Variants in SPNS2 observed in about 807,000 individuals in gnomAD.
SPNS2 encodes the protein SPNS lysolipid transporter 2, sphingosine-1-phosphate.
SPNS2 carries 37 observed loss-of-function variants against 57.6 expected under a neutral mutation model. That is an observed-to-expected ratio of 0.64 (90% CI 0.49 to 0.85). The LOEUF is 0.85. SPNS2 is among the 40% of genes least tolerant of loss of function. The pLI is 0.00. For missense variants in SPNS2, 831 were observed against 779.1 expected, an observed-to-expected ratio of 1.07 and a Z score of -0.79; for synonymous variants, 440 against 346.9, an observed-to-expected ratio of 1.27 and a Z score of -2.98.
intron 2 of SPNS2, among the ~76,000 whole-genome samples, chr17:4,517,866 T>C (rs984374752): frequency 2.0e-5 from 3 of 152,086 alleles, no homozygotes; most frequent in African/African-American, 7.2e-5. Flanking sequence ...AAGACTAATA[T>C]TCGAAAATAC....
chr17:4,533,421 G>A lies in SPNS2; in HGVS notation c.1267G>A (p.Val423Ile), dbSNP rs369087006. ...LIFVAAKSSI[V>I]GAYICIFVGE... Reference sequence around the variant, plus strand: ...CTTCGTGGCTGCCAAGAGCAGCATCGTAGGAGCCTATGTGAGTGCAGCGGG... The same window carrying A: ...CTTCGTGGCTGCCAAGAGCAGCATCATAGGAGCCTATGTGAGTGCAGCGGG... The change falls in exon 8 of 13, where the codon GTA (valine) becomes ATA (isoleucine). Residue 423 changes from valine (V) to isoleucine (I), a missense_variant. Physicochemically the swap from Val to Ile is conservative, Grantham distance 29. Coordinates refer to ENST00000329078, the MANE Select transcript of SPNS2 (RefSeq NM_001124758.3). The A allele has an allele frequency of 1.5e-4, 241 of 1,604,058 alleles. No individual in the cohort carries two copies. Among genetic ancestry groups the A allele is most frequent in the South Asian group, 2.0e-4 (18 of 90,308 alleles).
chr17:4,515,390 TG>T (rs1904958819), intron 2 of SPNS2, among the ~76,000 whole-genome samples: 1 of 152,188 alleles, frequency 6.6e-6, no homozygotes, highest in African/African-American at 2.4e-5. Context: ...AATAGGGACC[TG>T]GGCCTCTGCC....
At chr17:4,529,019 C>G (rs990748532) in intron 3 of SPNS2, among the ~76,000 whole-genome samples, 3 of 151,980 alleles carry the variant, frequency 2.0e-5, no homozygotes, top group Non-Finnish European at 2.9e-5. Context: ...TCACTGCAAC[C>G]TCCACCTCCC....
chr17:4,538,877 T>C lies in SPNS2; in HGVS notation c.*1429T>C. 1 of 781,100 alleles carries C rather than the reference T, an allele frequency of 1.3e-6. No individual in the cohort carries two copies. The highest frequency in any genetic ancestry group is 2.4e-6 in the Non-Finnish European group (1 of 418,236). The allele number at this position is 781,100 out of a possible 1,614,324, so 48.4% of individuals were successfully genotyped here. A position where few individuals can be genotyped will look rare whatever the true frequency, so the allele number is the denominator to read the frequency against. Reference sequence around the variant, plus strand: ...TCAGCGGGGCCCCAGCGATGTTTTCTTGTTGTACAAGAACCAGGTCCGAGT... The same window carrying C: ...TCAGCGGGGCCCCAGCGATGTTTTCCTGTTGTACAAGAACCAGGTCCGAGT... On this transcript the variant is annotated 3_prime_UTR_variant, in exon 13 of 13. Coordinates refer to ENST00000329078, the MANE Select transcript of SPNS2 (RefSeq NM_001124758.3).
rs1279451717 is a variant in SPNS2 at position 4,533,840 on chromosome 17, C to T, written c.1331C>T (p.Ala444Val). 7 of 1,612,280 alleles carry T rather than the reference C, an allele frequency of 4.3e-6. No individual in the cohort carries two copies. The highest frequency in any genetic ancestry group is 2.2e-5 in the East Asian group (1 of 44,844). The change falls in exon 9 of 13, where the codon GCA becomes GTA. Residue 444 changes from alanine (A) to valine (V), a missense_variant. Around this residue, in one of 2 missense-constraint regions of SPNS2, gnomAD observed 526 missense variants for 400.9 expected, o/e 1.31. Coordinates refer to ENST00000329078, the MANE Select transcript of SPNS2 (RefSeq NM_001124758.3). ...TLLFSNWAITADILMYVVIPT... is the reference protein window; with the variant it reads ...TLLFSNWAITVDILMYVVIPT... ...CTGTTTTCTAACTGGGCCATCACTG[C>T]AGACATCCTCATGGTGAGCCAGGCA... is the stretch of plus-strand genomic sequence containing the variant.
chr17:4,520,838 TGAAGA>T (rs998922456), intron 2 of SPNS2, among the ~76,000 whole-genome samples: 4 of 152,068 alleles, frequency 2.6e-5, no homozygotes, highest in Admixed American at 1.3e-4. Context: ...CTCTGTAAAA[TGAAGA>T]GAACAGAATC....
rs1904865988 is a variant in SPNS2, at chr17:4,512,653, CGCACGGGTATGTGTGTGCGCGCGT to C, written c.371-592_371-569del. On this transcript the variant is annotated intron_variant, in intron 1 of 12. Coordinates refer to ENST00000329078, the MANE Select transcript of SPNS2 (RefSeq NM_001124758.3). The surrounding 1 kb of genome is among the most constrained non-coding windows in gnomAD (Gnocchi z 5.2). ...GACAGTGTGTGTGTGTGCGTGCGCG[CGCACGGGTATGTGTGTGCGCGCGT>C]GGGTGTGTATGCATGTGTGCAGGTG... 3.3e-5 allele frequency among the ~76,000 whole-genome samples: 5 copies of C among 151,186 alleles called. No homozygotes were observed. Among genetic ancestry groups the C allele is most frequent in the South Asian group, 2.1e-4 (1 of 4,728 alleles).
chr17:4,535,735 G>A (rs1567597283), intron 9 of SPNS2, among the ~76,000 whole-genome samples: 2 of 152,116 alleles, frequency 1.3e-5, no homozygotes, highest in Non-Finnish European at 2.9e-5. Context: ...TGGGGGCACA[G>A]CAGGTTTGAG....
In SPNS2 at chr17:4,510,257, G is replaced by A. The variant is rs1442941692; in HGVS notation, c.371-2990G>A. Among the ~76,000 whole-genome samples, 3 of 152,232 alleles carry A rather than the reference G, an allele frequency of 2.0e-5. No homozygotes were observed. The highest frequency in any genetic ancestry group is 1.5e-5 in the Non-Finnish European group (1 of 68,040). ...GGTTCTCTCTGGTCTTCTTCCTGGA[G>A]CTTGGACTTGGACCCAAGACTGGGC... On this transcript the variant is annotated intron_variant, in intron 1 of 12. Transcript: ENST00000329078. This position sits in a 1 kb window ranked among gnomAD's most constrained non-coding sequence, Gnocchi z 4.4.
rs1906042562 is a variant in SPNS2 at position 4,538,874 on chromosome 17, T to C, written c.*1426T>C. On this transcript the variant is annotated 3_prime_UTR_variant, in exon 13 of 13. Transcript: ENST00000329078. Reference sequence around the variant, plus strand: ...GCCTCAGCGGGGCCCCAGCGATGTTTTCTTGTTGTACAAGAACCAGGTCCG... The same window carrying C: ...GCCTCAGCGGGGCCCCAGCGATGTTCTCTTGTTGTACAAGAACCAGGTCCG... 1.3e-6 allele frequency: 1 copy of C among 781,116 alleles called. No homozygotes were observed. The highest frequency in any genetic ancestry group is 2.4e-6 in the Non-Finnish European group (1 of 418,246). 48.4% of individuals were successfully genotyped at this position (781,116 alleles called of 1,614,324 possible).
At position 4,533,284 on chromosome 17, in the gene SPNS2, G is replaced by T; in HGVS notation, c.1130G>T (p.Gly377Val). 6.2e-7 allele frequency: 1 copy of T among 1,609,956 alleles called. No homozygotes were observed. Reference protein sequence around the residue: ...GAITCFTGFLGVVTGAGATRW... With the variant: ...GAITCFTGFLVVVTGAGATRW... The stretch of plus-strand genomic sequence containing the variant: ...ATCACCTGCTTTACGGGATTTCTGG[G>T]CGTGGTCACGGGGGCAGGAGCCACG... The change falls in exon 8 of 13, where the codon GGC becomes GTC. Residue 377 changes from glycine (G) to valine (V), a missense_variant. Physicochemically the swap from Gly to Val is moderately radical, Grantham distance 109. Coordinates refer to ENST00000329078, the MANE Select transcript of SPNS2 (RefSeq NM_001124758.3).
At position 4,499,179 on chromosome 17, in the gene SPNS2, C is replaced by T; in HGVS notation, c.132C>T (p.Gly44=). 1 of 1,242,500 alleles carries T rather than the reference C, an allele frequency of 8.0e-7. No homozygotes were observed. Among genetic ancestry groups the T allele is most frequent in the Non-Finnish European group, 1.0e-6 (1 of 994,508 alleles). 77.0% of individuals were successfully genotyped at this position (1,242,500 alleles called of 1,614,324 possible). ...AGGSGCCGAR[G]AGGAGVSAAG... ...GTAGCGGTTGCTGCGGGGCGCGGGG[C>T]GCGGGCGGCGCTGGAGTCTCGGCCG... is the stretch of plus-strand genomic sequence containing the variant. Residue 44 remains glycine, a synonymous_variant, in exon 1 of 13, where the codon GGC becomes GGT. Coordinates refer to ENST00000329078, the MANE Select transcript of SPNS2 (RefSeq NM_001124758.3). The surrounding 1 kb of genome is among the most constrained non-coding windows in gnomAD (Gnocchi z 5.2).
At chr17:4,533,583 C>T in intron 8 of SPNS2, 151 bp downstream of exon 8, 2 of 1,026,636 alleles carry the variant, frequency 1.9e-6, no homozygotes, top group Admixed American at 2.4e-5. Context: ...CCAGCCTGGC[C>T]ACACACAGCC....
Position 4,533,783 on chromosome 17 carries a change from G to C in SPNS2, c.1279-5G>C, listed in dbSNP as rs548015841. The C allele has an allele frequency of 6.2e-7, 1 of 1,613,638 alleles. No homozygotes were observed. The highest frequency in any genetic ancestry group is 1.3e-5 in the African/African-American group (1 of 75,036). On this transcript the variant is annotated splice_polypyrimidine_tract_variant and splice_region_variant and intron_variant, in intron 8 of 12. Coordinates refer to ENST00000329078, the MANE Select transcript of SPNS2 (RefSeq NM_001124758.3). ...CTGATGGTGGCTTTGCCTTCTCCCCGGCAGATCTGTATCTTCGTCGGGGAG... is the reference window on the plus strand; with the variant it reads ...CTGATGGTGGCTTTGCCTTCTCCCCCGCAGATCTGTATCTTCGTCGGGGAG...
intron 3 of SPNS2, among the ~76,000 whole-genome samples, chr17:4,530,208 C>T (rs892913908): frequency 2.6e-5 from 4 of 152,188 alleles, no homozygotes; most frequent in African/African-American, 9.7e-5. Flanking sequence ...CAGGGTTGGC[C>T]TAGCCACCCG....
Position 4,499,337 on chromosome 17 carries a change from TG to T in SPNS2, c.293del (p.Gly98AlafsTer72). On this transcript the variant is annotated frameshift_variant, in exon 1 of 13. Transcript: ENST00000329078. LOFTEE classifies it high-confidence loss of function. This position sits in a 1 kb window ranked among gnomAD's most constrained non-coding sequence, Gnocchi z 5.2. ...PGAQQPKPAS[L>X]GRGRGAAAAI... Reference sequence around the variant, plus strand: ...GCTCAGCAGCCCAAACCGGCCAGCTTGGGCCGCGGGCGGGGGGCAGCCGCCG... The same window carrying T: ...GCTCAGCAGCCCAAACCGGCCAGCTTGGCCGCGGGCGGGGGGCAGCCGCCG... 1 of 1,470,152 alleles carries T rather than the reference TG, an allele frequency of 6.8e-7. No individual in the cohort carries two copies. Among genetic ancestry groups the T allele is most frequent in the Non-Finnish European group, 9.0e-7 (1 of 1,116,268 alleles). The allele number at this position is 1,470,152 out of a possible 1,614,324, so 91.1% of individuals were successfully genotyped here.
Position 4,499,215 on chromosome 17 carries a change from G to C in SPNS2, c.168G>C (p.Glu56Asp). 7.0e-7 allele frequency: 1 copy of C among 1,431,236 alleles called. No homozygotes were observed. The highest frequency in any genetic ancestry group is 9.1e-7 in the Non-Finnish European group (1 of 1,096,420). 88.7% of individuals were successfully genotyped at this position (1,431,236 alleles called of 1,614,324 possible). The change falls in exon 1 of 13, where the codon GAG becomes GAC. Residue 56 changes from glutamate to aspartate, a missense_variant. This residue lies in a region of SPNS2 where 305 missense variants were observed against 378.3 expected (regional missense o/e 0.81). Coordinates refer to ENST00000329078, the MANE Select transcript of SPNS2 (RefSeq NM_001124758.3). This position sits in a 1 kb window ranked among gnomAD's most constrained non-coding sequence, Gnocchi z 5.2. ...CTGGAGTCTCGGCCGCGGGCGATGAGGTGCAGACGCTGTCGGGCAGCGTAA... is the reference window on the plus strand; with the variant it reads ...CTGGAGTCTCGGCCGCGGGCGATGACGTGCAGACGCTGTCGGGCAGCGTAA... ...GGAGVSAAGD[E>D]VQTLSGSVRR...
intron 9 of SPNS2, among the ~76,000 whole-genome samples, chr17:4,534,663 G>A (rs541201190): frequency 3.9e-5 from 6 of 152,232 alleles, no homozygotes; most frequent in East Asian, 3.9e-4. Flanking sequence ...CTGAGCCTCC[G>A]GGCGTATCCG....
At chr17:4,501,214 G>T (rs1904497188) in intron 1 of SPNS2, among the ~76,000 whole-genome samples, 1 of 152,146 alleles carries the variant, frequency 6.6e-6, no homozygotes, top group East Asian at 1.9e-4. Flanking sequence ...GCTGAAGAAG[G>T]AATGGTACTA....
Sources: gnomAD v4.1 joint callset for allele counts (sites outside exome capture counted in the v4.1 genomes callset) on GRCh38, gnomAD v4.1.1 for gene constraint, gnomAD v4.1.1 regional missense constraint, Gnocchi (gnomAD v3.1) non-coding constraint, MANE v1.5 for transcripts, NCBI Gene and HGNC (gene_info 2026-07-23, HGNC 2026-07-21) for gene names.